SLC25A21: variants seen among roughly 807,000 people sequenced by gnomAD.
SLC25A21 encodes solute carrier family 25 member 21, also known as mitochondrial 2-oxodicarboxylate carrier.
A neutral mutation model predicts 43.8 loss-of-function variants in SLC25A21; 47 were observed. The ratio of observed to expected loss-of-function variants is 1.07; its 90% CI spans 0.85 to 1.37. SLC25A21 has a LOEUF of 1.37. Among genes scored for constraint, SLC25A21 ranks in the 40% most tolerant of loss-of-function variants. The pLI, the probability that SLC25A21 is intolerant of heterozygous loss-of-function variation, is 0.00. For missense variants in SLC25A21, 352 were observed against 350.2 expected, an observed-to-expected ratio of 1.00 and a Z score of -0.04; for synonymous variants, 131 against 121.3, an observed-to-expected ratio of 1.08 and a Z score of -0.52.
rs1000786325 is a variant in SLC25A21 at position 36,783,200 on chromosome 14, T to C, written c.203+30718A>G. Among the ~76,000 whole-genome samples the C allele has an allele frequency of 1.1e-4, 5 of 45,064 alleles. No individual in the cohort carries two copies. In the Admixed American group the frequency reaches 1.4e-3, roughly 13 times the overall value. 29.6% of individuals were successfully genotyped at this position (45,064 alleles called of 152,430 possible). On this transcript the variant is annotated intron_variant, in intron 3 of 9. Coordinates refer to ENST00000331299, the MANE Select transcript of SLC25A21 (RefSeq NM_030631.4). The stretch of plus-strand genomic sequence containing the variant: ...GTCATCTGCAAATGCTCTTACTATC[T>C]TGGGGTGGGGGTGGTGGGGGGGCGG...
At chr14:36,764,098 A>T in intron 3 of SLC25A21, among the ~76,000 whole-genome samples, 1 of 60,718 alleles carries the variant, frequency 1.6e-5, no homozygotes, top group Non-Finnish European at 2.9e-5. Flanking sequence ...GAAGGAAGGA[A>T]GGAAGGAAGG....
chr14:37,072,100 T>C (rs1008106185), intron 1 of SLC25A21, among the ~76,000 whole-genome samples: 3 of 146,092 alleles, frequency 2.1e-5, no homozygotes, highest in Non-Finnish European at 4.4e-5. Context: ...GAGAATCACT[T>C]GAACCCAGGA....
At chr14:37,020,541 G>T (rs1478497607) in intron 1 of SLC25A21, among the ~76,000 whole-genome samples, 2 of 151,202 alleles carry the variant, frequency 1.3e-5, no homozygotes, top group East Asian at 3.9e-4. Context: ...AATATACAAT[G>T]TACTTGTTCA....
intron 2 of SLC25A21, among the ~76,000 whole-genome samples, chr14:36,866,491 T>C (rs1039770482): frequency 3.3e-5 from 5 of 152,226 alleles, no homozygotes; most frequent in Admixed American, 2.6e-4. Context: ...CTCTCTCAGA[T>C]TGTGACTTCC....
chr14:36,906,783 G>A (rs1891548207), intron 1 of SLC25A21, among the ~76,000 whole-genome samples: 2 of 152,086 alleles, frequency 1.3e-5, no homozygotes, highest in Non-Finnish European at 2.9e-5. Flanking sequence ...GATTACAGGT[G>A]TGAGCCACCA....
intron 1 of SLC25A21, among the ~76,000 whole-genome samples, chr14:36,979,332 G>GTTTT (rs1283870965): frequency 1.1e-4 from 13 of 119,100 alleles, no homozygotes; most frequent in African/African-American, 3.1e-4. Flanking sequence ...TGTTTTTTTG[G>GTTTT]TTTTTTTTTT....
chr14:37,096,401 A>G (rs943822666), intron 1 of SLC25A21, among the ~76,000 whole-genome samples: 1 of 152,226 alleles, frequency 6.6e-6, no homozygotes. Context: ...GGATATTTAT[A>G]TATTTCTCTA....
intron 1 of SLC25A21, among the ~76,000 whole-genome samples, chr14:37,018,535 T>A (rs1225989233): frequency 6.6e-6 from 1 of 152,040 alleles, no homozygotes; most frequent in Non-Finnish European, 1.5e-5. Flanking sequence ...CTCTTTCGTA[T>A]TCCCTATCTC....
chr14:36,889,370 C>A (rs1298617460), intron 1 of SLC25A21, among the ~76,000 whole-genome samples: 2 of 152,076 alleles, frequency 1.3e-5, no homozygotes, highest in Non-Finnish European at 2.9e-5. Context: ...TATTTGGATA[C>A]CAAAGTATAA....
Position 36,982,161 on chromosome 14 carries a change from T to C in SLC25A21, c.71-107157A>G, listed in dbSNP as rs536092489. ...CAAGTAAAAGTTCAGCACCAAATTA[T>C]AGAACAGATTTCAGAATAGAATCAA... On this transcript the variant is annotated intron_variant, in intron 1 of 9. Coordinates refer to ENST00000331299, the MANE Select transcript of SLC25A21 (RefSeq NM_030631.4). 1.5e-3 allele frequency among the ~76,000 whole-genome samples: 222 copies of C among 152,340 alleles called. 1 individual carries two copies. Among genetic ancestry groups the C allele is most frequent in the African/African-American group, 5.1e-3 (211 of 41,576 alleles).
chr14:36,998,599 G>A (rs1960422480), intron 1 of SLC25A21, among the ~76,000 whole-genome samples: 1 of 151,794 alleles, frequency 6.6e-6, no homozygotes, highest in South Asian at 2.1e-4. Flanking sequence ...TACAAATAAT[G>A]TCTACAGATA....
At chr14:36,695,147 G>A (rs937831228) in intron 7 of SLC25A21, among the ~76,000 whole-genome samples, 21 of 142,852 alleles carry the variant, frequency 1.5e-4, no homozygotes, top group African/African-American at 2.7e-4. Flanking sequence ...TTTTCCCAGC[G>A]CACCATTTAT....
At chr14:36,837,519 G>A (rs898138089) in intron 2 of SLC25A21, among the ~76,000 whole-genome samples, 3 of 152,172 alleles carry the variant, frequency 2.0e-5, no homozygotes, top group African/African-American at 4.8e-5. Flanking sequence ...GAGGTTAGGT[G>A]ATGGGTGACA....
chr14:36,860,478 C>T (rs1890035610), intron 2 of SLC25A21, among the ~76,000 whole-genome samples: 3 of 152,152 alleles, frequency 2.0e-5, no homozygotes, highest in South Asian at 4.1e-4. Context: ...TGAACTAGAA[C>T]GCTGGTCTCC....
intron 6 of SLC25A21, among the ~76,000 whole-genome samples, chr14:36,724,222 AT>A (rs771408889): frequency 6.6e-6 from 1 of 152,208 alleles, no homozygotes; most frequent in Non-Finnish European, 1.5e-5. Context: ...TGTAAAAAAA[AT>A]TCCCCCTGAA....
At chr14:36,797,460 AAAAC>A (rs552564764) in intron 3 of SLC25A21, among the ~76,000 whole-genome samples, 30 of 152,332 alleles carry the variant, frequency 2.0e-4, no homozygotes, top group South Asian at 4.1e-4. Flanking sequence ...AAAAAGCAGC[AAAAC>A]AAACAAAAAA....
Position 36,937,347 on chromosome 14 carries a change from T to C in SLC25A21, c.71-62343A>G, listed in dbSNP as rs919335249. On this transcript the variant is annotated intron_variant, in intron 1 of 9. Coordinates refer to ENST00000331299, the MANE Select transcript of SLC25A21 (RefSeq NM_030631.4). The stretch of plus-strand genomic sequence containing the variant: ...AGAAGACCTCAGACTGAATTAGGAA[T>C]GCCTTCACAAACAAAGCAAGGAGGA... Among the ~76,000 whole-genome samples the C allele has an allele frequency of 3.3e-5, 5 of 152,214 alleles. No homozygotes were observed. In the East Asian group the frequency reaches 7.7e-4, roughly 23 times the overall value.
chr14:36,700,018 G>A (rs910504), intron 7 of SLC25A21, among the ~76,000 whole-genome samples: 2,800 of 152,198 alleles, frequency 0.018, 50 homozygotes, highest in African/African-American at 0.054. Flanking sequence ...GAAATCACCC[G>A]TCTTCTGAGT....
At chr14:37,082,519 C>T (rs2138840063) in intron 1 of SLC25A21, among the ~76,000 whole-genome samples, 2 of 152,238 alleles carry the variant, frequency 1.3e-5, no homozygotes, top group Middle Eastern at 3.4e-3. Flanking sequence ...CTTCCTAAAC[C>T]TTTAGTCCTC....
Sources: gnomAD v4.1 joint callset for allele counts (sites outside exome capture counted in the v4.1 genomes callset) on GRCh38, gnomAD v4.1.1 for gene constraint, MANE v1.5 for transcripts, NCBI Gene and HGNC (gene_info 2026-07-23, HGNC 2026-07-21) for gene names.